The following BBX variants were observed in gnomAD, a reference collection of about 807,000 sequenced individuals.
The protein encoded by BBX is BBX high mobility group box domain containing, also known as HMG box transcription factor BBX.
A neutral mutation model predicts 100.2 loss-of-function variants in BBX; 30 were observed. The ratio of observed to expected loss-of-function variants is 0.30; its 90% CI spans 0.22 to 0.41. The LOEUF is 0.41. Ranked by LOEUF, BBX falls within the 10% of genes least tolerant of loss-of-function variation. The pLI is 1.00. For missense variants in BBX, 1,023 were observed against 1,129.8 expected, an observed-to-expected ratio of 0.91 and a Z score of 1.35; for synonymous variants, 376 against 388.1, an observed-to-expected ratio of 0.97 and a Z score of 0.37.
intron 13 of BBX, among the ~76,000 whole-genome samples, chr3:107,782,164 A>G (rs2067961405): frequency 6.6e-6 from 1 of 152,116 alleles, no homozygotes; most frequent in Non-Finnish European, 1.5e-5. Context: ...TTCCTTAACA[A>G]TGCATGCATG....
In BBX at chr3:107,744,610, G is replaced by C. The variant is rs79692584; in HGVS notation, c.670-20G>C. ...CAGTAAATAGTACAAAAGAAAATAT[G>C]ATATCTTTCTTTGTTTCAGGTATCC... On this transcript the variant is annotated intron_variant, in intron 7 of 17. Coordinates refer to ENST00000325805, the MANE Select transcript of BBX (RefSeq NM_001142568.3). The C allele has an allele frequency of 1.7e-6, 1 of 580,988 alleles. No individual in the cohort carries two copies. Among genetic ancestry groups the C allele is most frequent in the South Asian group, 3.6e-5 (1 of 27,990 alleles). The allele number at this position is 580,988 out of a possible 1,614,324, so 36.0% of individuals were successfully genotyped here.
At chr3:107,770,062 T>C (rs2066775217) in intron 10 of BBX, among the ~76,000 whole-genome samples, 1 of 152,220 alleles carries the variant, frequency 6.6e-6, no homozygotes, top group African/African-American at 2.4e-5. Context: ...GCATGACTAG[T>C]GTTCAGCGTA....
chr3:107,557,236 A>G (rs544978787), intron 2 of BBX, among the ~76,000 whole-genome samples: 2 of 152,212 alleles, frequency 1.3e-5, no homozygotes, highest in Non-Finnish European at 2.9e-5. Context: ...TGTGGCTTCT[A>G]CTTGATATAC....
At chr3:107,619,196 A>G (rs1464000487) in intron 2 of BBX, among the ~76,000 whole-genome samples, 4 of 151,380 alleles carry the variant, frequency 2.6e-5, no homozygotes, top group Admixed American at 6.6e-5. Flanking sequence ...TTAATATAGC[A>G]CTCCTACTTT....
At chr3:107,727,285 C>T (rs2063016702) in intron 5 of BBX, among the ~76,000 whole-genome samples, 1 of 152,012 alleles carries the variant, frequency 6.6e-6, no homozygotes, top group African/African-American at 2.4e-5. Context: ...TTCACCTCAC[C>T]CTACCATTTG....
chr3:107,724,800 G>C (rs2062800599), intron 5 of BBX, among the ~76,000 whole-genome samples: 1 of 152,096 alleles, frequency 6.6e-6, no homozygotes. Context: ...ATGCTGTTTT[G>C]GTTACTGTAG....
chr3:107,787,794 C>T (rs781377369), intron 13 of BBX, among the ~76,000 whole-genome samples: 8 of 152,110 alleles, frequency 5.3e-5, no homozygotes, highest in South Asian at 2.1e-4. Flanking sequence ...GGAAGTTAGC[C>T]GTGCGGACAT....
At chr3:107,629,006 G>A (rs1209701412) in intron 2 of BBX, among the ~76,000 whole-genome samples, 1 of 152,108 alleles carries the variant, frequency 6.6e-6, no homozygotes, top group Non-Finnish European at 1.5e-5. Flanking sequence ...TAATTGTGAA[G>A]TGTTTACTTT....
Position 107,579,892 on chromosome 3 carries a change from A to G in BBX, c.-84+53494A>G, listed in dbSNP as rs138677041. Among the ~76,000 whole-genome samples the G allele has an allele frequency of 1.6e-4, 24 of 152,290 alleles. 1 individual carries two copies. The East Asian group carries it at 4.6e-3, about 29-fold the overall frequency. ...ATGATGGTTGAATATCTTTAGTTTTACTATCATTTTCTATAGAATTTTAAA... is the reference window on the plus strand; with the variant it reads ...ATGATGGTTGAATATCTTTAGTTTTGCTATCATTTTCTATAGAATTTTAAA... On this transcript the variant is annotated intron_variant, in intron 2 of 17. Coordinates refer to ENST00000325805, the MANE Select transcript of BBX (RefSeq NM_001142568.3).
At chr3:107,648,675 G>A (rs1348557850) in intron 3 of BBX, among the ~76,000 whole-genome samples, 1 of 152,074 alleles carries the variant, frequency 6.6e-6, no homozygotes, top group East Asian at 1.9e-4. Flanking sequence ...AGTTTTCTAA[G>A]ATACTCTACC....
intron 3 of BBX, among the ~76,000 whole-genome samples, chr3:107,646,672 T>G (rs972709775): frequency 1.3e-5 from 2 of 152,152 alleles, no homozygotes; most frequent in African/African-American, 4.8e-5. Context: ...TGTTGATTTA[T>G]AAGACTGAAG....
chr3:107,709,992 A>G (rs557075922), intron 3 of BBX, among the ~76,000 whole-genome samples: 51 of 152,392 alleles, frequency 3.3e-4, no homozygotes, highest in Non-Finnish European at 4.7e-4. Flanking sequence ...CATGTAAATC[A>G]TTATAGTAAA....
At chr3:107,663,110 A>G (rs979883968) in intron 3 of BBX, among the ~76,000 whole-genome samples, 10 of 152,192 alleles carry the variant, frequency 6.6e-5, no homozygotes, top group African/African-American at 2.4e-4. Context: ...TAACAGGTAT[A>G]ATGTCACAAT....
chr3:107,572,740 C>T (rs1422277146), intron 2 of BBX, among the ~76,000 whole-genome samples: 1 of 151,944 alleles, frequency 6.6e-6, no homozygotes. Flanking sequence ...TAAAAATATA[C>T]TGATTTACCT....
At chr3:107,774,894 A>G (rs2067202325) in intron 12 of BBX, 37 bp downstream of exon 12, 1 of 1,601,706 alleles carries the variant, frequency 6.2e-7, no homozygotes, top group Non-Finnish European at 8.5e-7. Flanking sequence ...GTACTCCACA[A>G]GCCTCAAGTG....
intron 2 of BBX, among the ~76,000 whole-genome samples, chr3:107,597,963 A>G (rs1402749069): frequency 1.3e-5 from 2 of 152,122 alleles, no homozygotes; most frequent in Non-Finnish European, 2.9e-5. Context: ...GGGGTTTGGG[A>G]AAGGGAAGGT....
chr3:107,742,353 C>G (rs761253535), intron 7 of BBX, among the ~76,000 whole-genome samples: 1 of 150,982 alleles, frequency 6.6e-6, no homozygotes, highest in Non-Finnish European at 1.5e-5. Flanking sequence ...CCTTCTGATA[C>G]GCTGCCTCTA....
chr3:107,666,360 A>C lies in BBX; in HGVS notation c.-10+20451A>C, dbSNP rs569202913. 1.9e-3 allele frequency among the ~76,000 whole-genome samples: 289 copies of C among 152,312 alleles called. 1 individual carries two copies. Among genetic ancestry groups the C allele is most frequent in the African/African-American group, 6.7e-3 (278 of 41,560 alleles). On this transcript the variant is annotated intron_variant, in intron 3 of 17. Coordinates refer to ENST00000325805, the MANE Select transcript of BBX (RefSeq NM_001142568.3). ...AGCCAGTGGACACATTACGCTCCTC[A>C]TGATGTTAATAGATCTGGTTTGTGA...
rs1039889353 is a variant in BBX, at chr3:107,779,740, GT to G, written c.2203+1224del. On this transcript the variant is annotated intron_variant, in intron 13 of 17. Coordinates refer to ENST00000325805, the MANE Select transcript of BBX (RefSeq NM_001142568.3). ...GATATATAGATGAGGGAAAATTATG[GT>G]TTATTCTCTGGAGAAACCTGAACCT... Among the ~76,000 whole-genome samples, 61 of 152,106 alleles carry G rather than the reference GT, an allele frequency of 4.0e-4. 1 individual carries two copies. The highest frequency in any genetic ancestry group is 1.0e-4 in the Non-Finnish European group (7 of 67,968).
Sources: allele counts gnomAD v4.1 joint callset (sites outside exome capture counted in the v4.1 genomes callset), GRCh38; gene constraint gnomAD v4.1.1; transcripts MANE v1.5; gene names NCBI Gene and HGNC (gene_info 2026-07-23, HGNC 2026-07-21).